The following MRPS31 variants were observed in gnomAD, a reference collection of about 807,000 sequenced individuals.
MRPS31 encodes small ribosomal subunit protein mS31.
A neutral mutation model predicts 43.1 loss-of-function variants in MRPS31; 32 were observed. That is an observed-to-expected ratio of 0.74 (90% confidence interval 0.56 to 1.00). The LOEUF (loss-of-function observed/expected upper bound fraction) is 1.00, where lower values mean the gene tolerates loss of function less well. Ranked by LOEUF, MRPS31 falls within the 50% of genes least tolerant of loss-of-function variation. The pLI is 0.00. For missense variants in MRPS31, 437 were observed against 466.7 expected (o/e 0.94, Z 0.59); for synonymous variants, 165 against 161.6 (o/e 1.02, Z -0.16).
At chr13:40,770,715 G>C (rs1168094715) in intron 1 of MRPS31, 3 of 428,018 alleles carry the variant, frequency 7.0e-6, no homozygotes, top group African/African-American at 2.1e-5. Flanking sequence ...AATAAATCTT[G>C]GGAGGCAAAA....
At chr13:40,731,733 T>C (rs1879706772) in intron 6 of MRPS31, among the ~76,000 whole-genome samples, 1 of 152,206 alleles carries the variant, frequency 6.6e-6, no homozygotes, top group Non-Finnish European at 1.5e-5. Flanking sequence ...ACCAACTATA[T>C]GCTGTTCATA....
chr13:40,750,250 G>A (rs1386307497), intron 5 of MRPS31, among the ~76,000 whole-genome samples: 1 of 152,118 alleles, frequency 6.6e-6, no homozygotes, highest in Non-Finnish European at 1.5e-5. Flanking sequence ...TCATTATGCT[G>A]AGTCAAAGAA....
In MRPS31 at chr13:40,749,327, T is replaced by C. The variant is rs190936071; in HGVS notation, c.815-46A>G. On this transcript the variant is annotated intron_variant, in intron 5 of 6. Coordinates refer to ENST00000323563, the MANE Select transcript of MRPS31 (RefSeq NM_005830.4). ...AGATAACAACAAGTCAATGTAAGTA[T>C]CTTTTTTTAAAAGTTACAACCAATC... The C allele has an allele frequency of 6.0e-5, 88 of 1,456,174 alleles. No homozygotes were observed. The African/African-American group carries it at 9.8e-4, about 16-fold the overall frequency. 90.2% of individuals were successfully genotyped at this position (1,456,174 alleles called of 1,614,324 possible). A position where few individuals can be genotyped will look rare whatever the true frequency, so the allele number is the denominator to read the frequency against.
intron 5 of MRPS31, chr13:40,752,225 T>A (rs1460293722): frequency 1.3e-5 from 2 of 152,176 alleles, no homozygotes; most frequent in Non-Finnish European, 2.9e-5. Flanking sequence ...GGTTTCACCA[T>A]GTTGGCCAGG....
chr13:40,742,929 G>T (rs777504928), intron 6 of MRPS31, among the ~76,000 whole-genome samples: 7 of 152,178 alleles, frequency 4.6e-5, no homozygotes, highest in Non-Finnish European at 8.8e-5. Flanking sequence ...GCTTAAATGT[G>T]AAATCTCAAA....
intron 6 of MRPS31, among the ~76,000 whole-genome samples, chr13:40,734,979 C>T (rs1237112560): frequency 2.0e-5 from 3 of 152,148 alleles, no homozygotes; most frequent in South Asian, 2.1e-4. Flanking sequence ...CCAGCCTGAG[C>T]GACGCAGAAG....
intron 4 of MRPS31, among the ~76,000 whole-genome samples, chr13:40,754,755 G>A (rs536116627): frequency 6.6e-4 from 100 of 152,300 alleles, no homozygotes; most frequent in African/African-American, 2.0e-3. Flanking sequence ...CTGGCCAGGC[G>A]AGGTGGCTCA....
chr13:40,733,627 A>T (rs1879776315), intron 6 of MRPS31, among the ~76,000 whole-genome samples: 1 of 152,226 alleles, frequency 6.6e-6, no homozygotes, highest in Admixed American at 6.5e-5. Context: ...CATACAATGA[A>T]TCTAGGATAA....
At chr13:40,750,075 G>A (rs1275996684) in intron 5 of MRPS31, among the ~76,000 whole-genome samples, 2 of 152,118 alleles carry the variant, frequency 1.3e-5, no homozygotes, top group Admixed American at 6.6e-5. Flanking sequence ...GTTAATGGCA[G>A]CTTTCTTTGT....
In MRPS31 at chr13:40,749,274, T is replaced by C. The variant is rs752653246; in HGVS notation, c.822A>G (p.Ser274=). The C allele has an allele frequency of 1.3e-5, 20 of 1,578,988 alleles. No homozygotes were observed. The highest frequency in any genetic ancestry group is 1.7e-5 in the Non-Finnish European group (20 of 1,170,672). ...CAAATTCCACATCCCAAAGTGAAGGTGATGTGTCTACATAATAAAGACATT... is the reference window on the plus strand; with the variant it reads ...CAAATTCCACATCCCAAAGTGAAGGCGATGTGTCTACATAATAAAGACATT... ...VTKEAPETDT[S]PSLWDVEFAK... is the part of the protein sequence containing the mutation. The change falls in exon 6 of 7, where the codon TCA becomes TCG. Residue 274 remains serine, a synonymous_variant. Coordinates refer to ENST00000323563, the MANE Select transcript of MRPS31 (RefSeq NM_005830.4).
At chr13:40,759,205 A>C in intron 2 of MRPS31, 99 bp from the exon 3 acceptor site, 1 of 864,910 alleles carries the variant, frequency 1.2e-6, no homozygotes, top group Middle Eastern at 3.8e-4. Context: ...TGGGAAGCCG[A>C]GGCAGACAGA....
rs867900426 is a variant in MRPS31, at chr13:40,737,194, C to T, written c.959-7593G>A. On this transcript the variant is annotated intron_variant, in intron 6 of 6. Transcript: ENST00000323563. The stretch of plus-strand genomic sequence containing the variant: ...TCAAAAGAGACAAAGAAGGCCATTA[C>T]ATAATGGTAAAGGGATCAATTCAAC... Among the ~76,000 whole-genome samples the T allele has an allele frequency of 4.3e-4, 65 of 151,664 alleles. No homozygotes were observed. In the East Asian group the frequency reaches 0.012, roughly 27 times the overall value.
At chr13:40,761,952 AAAT>A (rs1880709196) in intron 2 of MRPS31, among the ~76,000 whole-genome samples, 1 of 151,888 alleles carries the variant, frequency 6.6e-6, no homozygotes, top group Non-Finnish European at 1.5e-5. Flanking sequence ...AAGAAAGAAA[AAAT>A]AAACAGCTGG....
At chr13:40,748,068 TA>T (rs1880288344) in intron 6 of MRPS31, among the ~76,000 whole-genome samples, 1 of 152,238 alleles carries the variant, frequency 6.6e-6, no homozygotes, top group Admixed American at 6.5e-5. Flanking sequence ...TTATGAAGGT[TA>T]AAATACAGAC....
chr13:40,736,508 A>G (rs1032528990), intron 6 of MRPS31, among the ~76,000 whole-genome samples: 34 of 148,156 alleles, frequency 2.3e-4, no homozygotes, highest in African/African-American at 8.4e-4. Flanking sequence ...AATGAAGGAA[A>G]AAATGTTAAG....
chr13:40,740,499 C>T (rs1162219399), intron 6 of MRPS31, among the ~76,000 whole-genome samples: 2 of 138,160 alleles, frequency 1.4e-5, no homozygotes, highest in African/African-American at 2.9e-5. Context: ...ATGTTTATTG[C>T]GGCATTATTC....
intron 6 of MRPS31, chr13:40,730,935 G>C (rs1486561357): frequency 6.6e-6 from 1 of 151,996 alleles, no homozygotes; most frequent in Non-Finnish European, 1.5e-5. Context: ...ACATAAATAA[G>C]ATGGAATTGT....
chr13:40,770,726 GAT>G (rs1880982568), intron 1 of MRPS31: 1 of 452,486 alleles, frequency 2.2e-6, no homozygotes, highest in Non-Finnish European at 4.0e-6. Flanking sequence ...GGAGGCAAAA[GAT>G]AAAAACCTGG....
At chr13:40,740,887 G>A (rs1593443968) in intron 6 of MRPS31, among the ~76,000 whole-genome samples, 2 of 150,100 alleles carry the variant, frequency 1.3e-5, no homozygotes, top group South Asian at 4.2e-4. Flanking sequence ...GTATACGTAT[G>A]TAACTAACCT....
Sources: allele counts gnomAD v4.1 joint callset (sites outside exome capture counted in the v4.1 genomes callset), GRCh38; gene constraint gnomAD v4.1.1; transcripts MANE v1.5; gene names NCBI Gene and HGNC (gene_info 2026-07-23, HGNC 2026-07-21).